Variants in SHE observed in about 807,000 individuals in gnomAD.
The protein encoded by SHE is SH2 domain-containing adapter protein E.
In SHE, 11 loss-of-function variants were observed where a neutral mutation model predicts 49.8. That is an observed-to-expected ratio of 0.22 (90% CI 0.14 to 0.37). The LOEUF (loss-of-function observed/expected upper bound fraction) is 0.37, where lower values mean the gene tolerates loss of function less well. Among genes scored for constraint, SHE ranks in the 10% least tolerant of loss-of-function variants. The pLI is 1.00. For missense variants in SHE, 624 were observed against 655.5 expected (o/e 0.95, Z 0.52); for synonymous variants, 310 against 278.1 (o/e 1.11, Z -1.14).
chr1:154,470,559 G>T (rs763166767), intron 1 of SHE, among the ~76,000 whole-genome samples: 8 of 152,204 alleles, frequency 5.3e-5, no homozygotes, highest in Non-Finnish European at 1.2e-4. Context: ...GCCTTTTAAG[G>T]CCAGGTGCGG....
At position 154,489,372 on chromosome 1, in the gene SHE, C is replaced by T; in HGVS notation, c.719-16G>A. Reference sequence around the variant, plus strand: ...CGTCTAATTTCTGAAAAACACACACCATTTCTGAAAAACACACACCATACA... The same window carrying T: ...CGTCTAATTTCTGAAAAACACACACTATTTCTGAAAAACACACACCATACA... On this transcript the variant is annotated splice_polypyrimidine_tract_variant and intron_variant, in intron 2 of 5. Coordinates refer to ENST00000304760, the MANE Select transcript of SHE (RefSeq NM_001010846.3). The T allele has an allele frequency of 6.2e-7, 1 of 1,606,862 alleles. No individual in the cohort carries two copies. Among genetic ancestry groups the T allele is most frequent in the Non-Finnish European group, 8.5e-7 (1 of 1,176,574 alleles).
In SHE at chr1:154,483,748, C is replaced by T. The variant is rs374867782; in HGVS notation, c.*401G>A. 2.1e-4 allele frequency: 206 copies of T among 996,098 alleles called. No individual in the cohort carries two copies. Among genetic ancestry groups the T allele is most frequent in the African/African-American group, 1.5e-3 (89 of 57,604 alleles). The allele number at this position is 996,098 out of a possible 1,614,324, so 61.7% of individuals were successfully genotyped here. A position where few individuals can be genotyped will look rare whatever the true frequency, so the allele number is the denominator to read the frequency against. On this transcript the variant is annotated 3_prime_UTR_variant, in exon 6 of 6. Coordinates refer to ENST00000304760, the MANE Select transcript of SHE (RefSeq NM_001010846.3). ...GGCTCATGCCTGTAATCCAGGCACTCGGGGAGACTGAGGTGGGTGGATCAT... is the reference window on the plus strand; with the variant it reads ...GGCTCATGCCTGTAATCCAGGCACTTGGGGAGACTGAGGTGGGTGGATCAT...
intron 2 of SHE, among the ~76,000 whole-genome samples, chr1:154,492,158 T>C (rs1287389330): frequency 1.3e-5 from 2 of 152,186 alleles, no homozygotes; most frequent in Non-Finnish European, 2.9e-5. Context: ...GAGGTTATAG[T>C]TCTCTGCTGA....
At position 154,486,699 on chromosome 1, in the gene SHE, C is replaced by T; in HGVS notation, c.1025-16G>A. On this transcript the variant is annotated splice_polypyrimidine_tract_variant and intron_variant, in intron 3 of 5. Transcript: ENST00000304760. ...TCAAACTGGACTGGAAGGAAGACTC[C>T]ATTTAACATCACAGGCCACTGCGGT... is the stretch of plus-strand genomic sequence containing the variant. 1.9e-6 allele frequency: 3 copies of T among 1,613,468 alleles called. No individual in the cohort carries two copies. The South Asian group carries it at 3.3e-5, about 18-fold the overall frequency.
rs1057274190 is a variant in SHE, at chr1:154,480,219, G to A, written c.*3930C>T. The A allele has an allele frequency of 2.5e-5, 25 of 985,454 alleles. No homozygotes were observed. In the African/African-American group the frequency reaches 3.5e-4, roughly 14 times the overall value. 61.0% of individuals were successfully genotyped at this position (985,454 alleles called of 1,614,324 possible). On this transcript the variant is annotated 3_prime_UTR_variant, in exon 6 of 6. Coordinates refer to ENST00000304760, the MANE Select transcript of SHE (RefSeq NM_001010846.3). The stretch of plus-strand genomic sequence containing the variant: ...GAAAAATAGGAGACAACTAGTGAAC[G>A]AGAGATCTGTGAAGGGTTTCAGTGC...
chr1:154,484,441 T>C (rs1019780341), intron 5 of SHE, 106 bp from the exon 6 acceptor site: 1 of 917,000 alleles, frequency 1.1e-6, no homozygotes, highest in Non-Finnish European at 1.7e-6. Context: ...TTCTCATCCA[T>C]CCCGTAATGG....
intron 1 of SHE, among the ~76,000 whole-genome samples, chr1:154,500,593 C>T (rs1477257107): frequency 6.6e-6 from 1 of 152,210 alleles, no homozygotes; most frequent in Non-Finnish European, 1.5e-5. Context: ...GATTTGAGCT[C>T]TTCTCTCTCC....
chr1:154,470,983 C>A (rs1446027847), intron 1 of SHE, among the ~76,000 whole-genome samples: 1 of 150,784 alleles, frequency 6.6e-6, no homozygotes, highest in Non-Finnish European at 1.5e-5. Context: ...GCACTCCAGC[C>A]TGGGTGACAA....
chr1:154,470,204 C>T (rs1157490406), exon 2 of SHE: 8 of 718,806 alleles, frequency 1.1e-5, no homozygotes, highest in Non-Finnish European at 1.7e-5. Flanking sequence ...CAGATGTCAC[C>T]CAGGTGGCCA....
chr1:154,492,422 A>T (rs546866512), intron 2 of SHE, among the ~76,000 whole-genome samples: 1 of 152,282 alleles, frequency 6.6e-6, no homozygotes, highest in African/African-American at 2.4e-5. Context: ...TGTCATTGCT[A>T]GTCCCATCCT....
At chr1:154,485,876 T>C in intron 5 of SHE, 67 bp downstream of exon 5, 1 of 1,572,666 alleles carries the variant, frequency 6.4e-7, no homozygotes, top group Non-Finnish European at 8.7e-7. Flanking sequence ...ATGTTTTTTT[T>C]GACTAGAAGA....
chr1:154,486,019 G>C lies in SHE; in HGVS notation c.1225C>G (p.Leu409Val), dbSNP rs779664795. ...TAACCAGCTTCTTTGCAGGGCTGTA[G>C]TCGACTCTCAGCCTCAGCACGGCTG... The part of the protein sequence containing the change: ...AISRAEAESR[L>V]QPCKEAGYLV... The change falls in exon 5 of 6, where the codon CTA (leucine) becomes GTA (valine). Residue 409 changes from leucine (L) to valine (V), a missense_variant. This residue lies in a region of SHE where 125 missense variants were observed against 181.7 expected (regional missense o/e 0.69). Coordinates refer to ENST00000304760, the MANE Select transcript of SHE (RefSeq NM_001010846.3). 6 of 1,614,120 alleles carry C rather than the reference G, an allele frequency of 3.7e-6. No individual in the cohort carries two copies. In the South Asian group the frequency reaches 4.4e-5, roughly 12 times the overall value.
downstream of SHE, chr1:154,469,662 A>C (rs929661122): frequency 6.6e-6 from 1 of 152,288 alleles, no homozygotes; most frequent in South Asian, 2.1e-4. Context: ...TAATTATGAC[A>C]GTATTTCCCA....
chr1:154,476,290 G>A (rs1691873743), downstream of SHE, among the ~76,000 whole-genome samples: 1 of 152,144 alleles, frequency 6.6e-6, no homozygotes, highest in Non-Finnish European at 1.5e-5. Flanking sequence ...AGGTTGTGGT[G>A]AGCCATGATA....
intron 3 of SHE, 27 bp from the exon 4 acceptor site, chr1:154,486,710 A>G: frequency 6.2e-7 from 1 of 1,612,936 alleles, no homozygotes; most frequent in South Asian, 1.1e-5. Context: ...ATTTAACATC[A>G]CAGGCCACTG....
chr1:154,497,523 G>A (rs954005466), intron 2 of SHE, among the ~76,000 whole-genome samples: 1 of 152,218 alleles, frequency 6.6e-6, no homozygotes, highest in Non-Finnish European at 1.5e-5. Context: ...CAACTTAAGA[G>A]AATTATGACT....
At chr1:154,486,164 C>A in intron 4 of SHE, 102 bp from the exon 5 acceptor site, 2 of 1,493,340 alleles carry the variant, frequency 1.3e-6, no homozygotes, top group East Asian at 2.3e-5. Flanking sequence ...GAACTTCTGG[C>A]AGAGACGCAA....
Position 154,479,814 on chromosome 1 carries a change from G to A in SHE, c.*4335C>T. The A allele has an allele frequency of 1.0e-6, 1 of 985,366 alleles. No homozygotes were observed. The highest frequency in any genetic ancestry group is 1.2e-6 in the Non-Finnish European group (1 of 829,914). The allele number at this position is 985,366 out of a possible 1,614,324, so 61.0% of individuals were successfully genotyped here. On this transcript the variant is annotated 3_prime_UTR_variant, in exon 6 of 6. Coordinates refer to ENST00000304760, the MANE Select transcript of SHE (RefSeq NM_001010846.3). The stretch of plus-strand genomic sequence containing the variant: ...TTGAGATTCTAAATTACACGATCCA[G>A]CCTTAGTCCAGGGACCTTGTGATGA...
intron 5 of SHE, 161 bp downstream of exon 5, chr1:154,485,782 T>C (rs1692157881): frequency 1.3e-6 from 1 of 754,524 alleles, no homozygotes; most frequent in African/African-American, 1.7e-5. Context: ...TTTTGCATTC[T>C]CATCCAAGTG....
Sources: gnomAD v4.1 joint callset for allele counts (sites outside exome capture counted in the v4.1 genomes callset) on GRCh38, gnomAD v4.1.1 for gene constraint, gnomAD v4.1.1 regional missense constraint, MANE v1.5 for transcripts, NCBI Gene and HGNC (gene_info 2026-07-23, HGNC 2026-07-21) for gene names.